POFUT1: variants seen among roughly 807,000 people sequenced by gnomAD.
POFUT1 encodes the protein GDP-fucose protein O-fucosyltransferase 1.
A neutral mutation model predicts 42.4 loss-of-function variants in POFUT1; 16 were observed. The observed-to-expected ratio is 0.38, with a 90% CI of 0.26 to 0.57. POFUT1 has a LOEUF of 0.57. POFUT1 is among the 20% of genes least tolerant of loss of function. The pLI is 0.71. For synonymous variants in POFUT1, 206 were observed against 205.4 expected (o/e 1.00, Z -0.03); for missense variants, 470 against 504.6 (o/e 0.93, Z 0.66).
chr20:32,214,067 T>C (rs908390969), intron 2 of POFUT1, among the ~76,000 whole-genome samples: 4 of 151,828 alleles, frequency 2.6e-5, no homozygotes, highest in Non-Finnish European at 5.9e-5. Flanking sequence ...AGGTCCAAAG[T>C]GCAAGAACTT....
intron 1 of POFUT1, among the ~76,000 whole-genome samples, chr20:32,208,647 T>C (rs1364814303): frequency 1.8e-4 from 4 of 22,036 alleles, no homozygotes; most frequent in African/African-American, 6.3e-4. Context: ...AAATCCAATC[T>C]CAAAAAAAAA....
Position 32,238,034 on chromosome 20 carries a change from G to A in POFUT1, c.*3373G>A. The A allele has an allele frequency of 3.0e-6, 1 of 332,014 alleles. No individual in the cohort carries two copies. The highest frequency in any genetic ancestry group is 6.0e-6 in the Non-Finnish European group (1 of 165,922). The allele number at this position is 332,014 out of a possible 1,614,324, so 20.6% of individuals were successfully genotyped here. A position where few individuals can be genotyped will look rare whatever the true frequency, so the allele number is the denominator to read the frequency against. On this transcript the variant is annotated 3_prime_UTR_variant, in exon 7 of 7. Coordinates refer to ENST00000375749, the MANE Select transcript of POFUT1 (RefSeq NM_015352.2). ...TGTTTTCCCTGTTGGTATGTAGCCT[G>A]GATAAATGCTCTTAATTATAAAAAA...
intron 4 of POFUT1, chr20:32,222,577 CT>C: frequency 2.0e-6 from 2 of 984,982 alleles, no homozygotes; most frequent in Non-Finnish European, 2.4e-6. Flanking sequence ...CTTTCTTTTT[CT>C]TTCCCCCACC....
chr20:32,217,423 C>G, intron 4 of POFUT1: 2 of 1,016,050 alleles, frequency 2.0e-6, no homozygotes, highest in Non-Finnish European at 2.4e-6. Context: ...AATTCATGTG[C>G]GGTCAAAGCA....
intron 4 of POFUT1, among the ~76,000 whole-genome samples, chr20:32,220,913 G>A (rs1321986227): frequency 6.6e-6 from 1 of 152,020 alleles, no homozygotes; most frequent in African/African-American, 2.4e-5. Flanking sequence ...GTTCTGAGAG[G>A]GAGCATCCAG....
chr20:32,221,834 C>T (rs1600389785), intron 4 of POFUT1, among the ~76,000 whole-genome samples: 3 of 152,108 alleles, frequency 2.0e-5, no homozygotes, highest in Non-Finnish European at 2.9e-5. Flanking sequence ...TCAGGGTTCT[C>T]AGTAAGGCAG....
chr20:32,220,327 T>A (rs550630745), intron 4 of POFUT1, among the ~76,000 whole-genome samples: 1 of 152,354 alleles, frequency 6.6e-6, no homozygotes, highest in South Asian at 2.1e-4. Flanking sequence ...GTGGGGATCA[T>A]GCTCTGTTGC....
At position 32,221,791 on chromosome 20, in the gene POFUT1, C is replaced by T. The variant is rs373774627; in HGVS notation, c.542+5070C>T. On this transcript the variant is annotated intron_variant, in intron 4 of 6. Coordinates refer to ENST00000375749, the MANE Select transcript of POFUT1 (RefSeq NM_015352.2). ...AGTTCCAGGGGCTCAATTCTTCCTC[C>T]CTATTGCCTTCAACCAATAACCCTT... 5.3e-5 allele frequency among the ~76,000 whole-genome samples: 8 copies of T among 151,992 alleles called. No homozygotes were observed. The East Asian group carries it at 9.6e-4, about 18-fold the overall frequency.
chr20:32,224,776 A>G (rs139514372), intron 4 of POFUT1, among the ~76,000 whole-genome samples: 1 of 152,336 alleles, frequency 6.6e-6, no homozygotes, highest in African/African-American at 2.4e-5. Context: ...TGAGGGAAAG[A>G]TTGGAACGAC....
intron 4 of POFUT1, 72 bp from the exon 5 acceptor site, chr20:32,228,191 C>T: frequency 7.5e-7 from 1 of 1,327,734 alleles, no homozygotes; most frequent in East Asian, 2.3e-5. Flanking sequence ...CAACACCATC[C>T]TTTTTCCCGT....
Position 32,238,415 on chromosome 20 carries a change from T to A in POFUT1, c.*3754T>A, listed in dbSNP as rs1301891995. 1.3e-5 allele frequency: 2 copies of A among 151,984 alleles called. No homozygotes were observed. The highest frequency in any genetic ancestry group is 2.4e-5 in the African/African-American group (1 of 41,374). The allele number at this position is 151,984 out of a possible 1,614,324, so 9.4% of individuals were successfully genotyped here. On this transcript the variant is annotated 3_prime_UTR_variant, in exon 7 of 7. Transcript: ENST00000375749. ...ACTCCATCTCAAAAAAAAGGAGACT[T>A]CATGTGCCCCCAATTTTTCACTATT...
chr20:32,214,523 C>T (rs1015379180), intron 2 of POFUT1, among the ~76,000 whole-genome samples: 12 of 152,158 alleles, frequency 7.9e-5, no homozygotes, highest in Admixed American at 4.6e-4. Context: ...TAGAAGAGTG[C>T]GCATTTCCCC....
chr20:32,215,079 G>A (rs749551720), intron 2 of POFUT1, among the ~76,000 whole-genome samples, 190 bp from the exon 3 acceptor site: 1 of 152,194 alleles, frequency 6.6e-6, no homozygotes, highest in African/African-American at 2.4e-5. Flanking sequence ...AGTAAAGACA[G>A]GGTTTCACCA....
In POFUT1 at chr20:32,238,147, C is replaced by G. The variant is rs1164670290; in HGVS notation, c.*3486C>G. 1 of 257,694 alleles carries G rather than the reference C, an allele frequency of 3.9e-6. No individual in the cohort carries two copies. The highest frequency in any genetic ancestry group is 7.9e-6 in the Non-Finnish European group (1 of 126,600). The allele number at this position is 257,694 out of a possible 1,614,324, so 16.0% of individuals were successfully genotyped here. ...GTGGCTCATGCCTGTAATCCCAGCA[C>G]TTTGCGAGGCCGAGGTGGGCAGATC... On this transcript the variant is annotated 3_prime_UTR_variant, in exon 7 of 7. Coordinates refer to ENST00000375749, the MANE Select transcript of POFUT1 (RefSeq NM_015352.2).
In POFUT1 at chr20:32,223,717, T is replaced by C. The variant is rs117016115; in HGVS notation, c.543-4546T>C. On this transcript the variant is annotated intron_variant, in intron 4 of 6. Coordinates refer to ENST00000375749, the MANE Select transcript of POFUT1 (RefSeq NM_015352.2). ...TGGTGAGGTCCCCAAATCTTTCTCA[T>C]TTATTCTAAAAATATTTATCATGCC... is the stretch of plus-strand genomic sequence containing the variant. 536 of 983,600 alleles carry C rather than the reference T, an allele frequency of 5.4e-4. 7 individuals are homozygous for C. The East Asian group carries it at 0.048, about 88-fold the overall frequency. The allele number at this position is 983,600 out of a possible 1,614,324, so 60.9% of individuals were successfully genotyped here.
chr20:32,225,479 G>A (rs751912293), intron 4 of POFUT1, among the ~76,000 whole-genome samples: 5 of 150,916 alleles, frequency 3.3e-5, no homozygotes, highest in Non-Finnish European at 5.9e-5. Context: ...GAGCCACCGC[G>A]CCCGGTCAAC....
chr20:32,217,569 A>G (rs2122575582), intron 4 of POFUT1: 10 of 980,816 alleles, frequency 1.0e-5, no homozygotes, highest in Non-Finnish European at 1.2e-5. Flanking sequence ...CCATGATGGT[A>G]CCCCTGCACT....
At chr20:32,223,252 G>A in intron 4 of POFUT1, 1 of 985,412 alleles carries the variant, frequency 1.0e-6, no homozygotes, top group Non-Finnish European at 1.2e-6. Context: ...CCGGGAGGTG[G>A]TGCTGGTCAA....
intron 2 of POFUT1, among the ~76,000 whole-genome samples, chr20:32,214,462 T>C (rs1207993405): frequency 6.6e-6 from 1 of 152,128 alleles, no homozygotes. Context: ...TACTCACCGA[T>C]TGGATCCCAA....
Sources: gnomAD v4.1 joint callset for allele counts (sites outside exome capture counted in the v4.1 genomes callset) on GRCh38, gnomAD v4.1.1 for gene constraint, MANE v1.5 for transcripts, NCBI Gene and HGNC (gene_info 2026-07-23, HGNC 2026-07-21) for gene names.